The following SF3B3 variants were observed in gnomAD, a reference collection of about 807,000 sequenced individuals.
SF3B3 encodes the protein splicing factor 3b subunit 3.
In SF3B3, 33 loss-of-function variants were observed where a neutral mutation model predicts 139.2. The observed-to-expected ratio is 0.24, with a 90% CI of 0.18 to 0.32. The LOEUF (loss-of-function observed/expected upper bound fraction) is 0.32, where lower values mean the gene tolerates loss of function less well. Among genes scored for constraint, SF3B3 ranks in the 10% least tolerant of loss-of-function variants. The probability of loss-of-function intolerance (pLI) is 1.00; values close to 1 mark genes in which losing one functional copy is unlikely to be tolerated. For synonymous variants in SF3B3, 596 were observed against 563.6 expected, an observed-to-expected ratio of 1.06 and a Z score of -0.81; for missense variants, 818 against 1,509.4, an observed-to-expected ratio of 0.54 and a Z score of 7.59.
rs1388153201 is a variant in SF3B3 at position 70,577,539 on chromosome 16, A to G, written c.*5726A>G. 6.6e-6 allele frequency: 1 copy of G among 152,206 alleles called. No homozygotes were observed. Among genetic ancestry groups the G allele is most frequent in the Non-Finnish European group, 1.5e-5 (1 of 68,060 alleles). The allele number at this position is 152,206 out of a possible 1,614,324, so 9.4% of individuals were successfully genotyped here. On this transcript the variant is annotated 3_prime_UTR_variant, in exon 26 of 26. Transcript: ENST00000302516. Reference sequence around the variant, plus strand: ...TAGCCTGGAACATTCCAGCGTGGGCATTATTGTCCTGTTGCAAGTTCAGGG... The same window carrying G: ...TAGCCTGGAACATTCCAGCGTGGGCGTTATTGTCCTGTTGCAAGTTCAGGG...
chr16:70,544,628 TAA>T, intron 10 of SF3B3, 95 bp downstream of exon 10: 2 of 729,294 alleles, frequency 2.7e-6, no homozygotes, highest in Non-Finnish European at 4.9e-6. Context: ...AAGACATAGT[TAA>T]GGTGTCTGTG....
rs544212716 is a variant in SF3B3 at position 70,532,475 on chromosome 16, G to A, written c.571-4G>A. ...ATTAGTTTTTATGCCACTATTCTCT[G>A]TAGGAAGCAGACAATGATCCAACAG... On this transcript the variant is annotated splice_region_variant and splice_polypyrimidine_tract_variant and intron_variant, in intron 4 of 25. Coordinates refer to ENST00000302516, the MANE Select transcript of SF3B3 (RefSeq NM_012426.5). 4.5e-5 allele frequency: 72 copies of A among 1,613,544 alleles called. 2 individuals carry two copies. In the South Asian group the frequency reaches 5.8e-4, roughly 13 times the overall value.
chr16:70,570,285 T>C, intron 24 of SF3B3, 136 bp downstream of exon 24: 1 of 853,264 alleles, frequency 1.2e-6, no homozygotes, highest in Non-Finnish European at 1.7e-6. Flanking sequence ...CAGAAGTACT[T>C]GGGGAGATAG....
At chr16:70,551,528 C>A (rs962910342) in intron 11 of SF3B3, among the ~76,000 whole-genome samples, 1 of 152,124 alleles carries the variant, frequency 6.6e-6, no homozygotes. Flanking sequence ...TATGGAGAAA[C>A]CCTGTCTCTA....
At chr16:70,568,582 TC>T (rs2050499341) in intron 22 of SF3B3, 87 bp downstream of exon 22, 1 of 1,034,182 alleles carries the variant, frequency 9.7e-7, no homozygotes, top group African/African-American at 1.6e-5. Flanking sequence ...AGGAATCAAA[TC>T]TGAGAAGTAA....
At chr16:70,558,155 CTCTGTATCA>C (rs2050395382) in intron 15 of SF3B3, among the ~76,000 whole-genome samples, 1 of 152,104 alleles carries the variant, frequency 6.6e-6, no homozygotes, top group African/African-American at 2.4e-5. Flanking sequence ...TTCCTGTATC[CTCTGTATCA>C]AGCTGGTGGG....
chr16:70,526,570 G>T lies in SF3B3; in HGVS notation c.-70-17G>T, dbSNP rs2050066788. Reference sequence around the variant, plus strand: ...GTAATAGTCTCCCAGCTATTTTTCTGTTTTCTGTTTTCTTAGCTTTCTTGG... The same window carrying T: ...GTAATAGTCTCCCAGCTATTTTTCTTTTTTCTGTTTTCTTAGCTTTCTTGG... On this transcript the variant is annotated splice_polypyrimidine_tract_variant and intron_variant, in intron 1 of 25. Transcript: ENST00000302516. The T allele has an allele frequency of 1.2e-5, 11 of 894,444 alleles. No homozygotes were observed. The South Asian group carries it at 1.3e-4, about 11-fold the overall frequency. 55.4% of individuals were successfully genotyped at this position (894,444 alleles called of 1,614,324 possible). A position where few individuals can be genotyped will look rare whatever the true frequency, so the allele number is the denominator to read the frequency against.
At chr16:70,556,553 G>A in intron 14 of SF3B3, 4 of 620,996 alleles carry the variant, frequency 6.4e-6, no homozygotes, top group South Asian at 2.0e-5. Flanking sequence ...ATGTTTCTTT[G>A]GCTTAAGCCT....
chr16:70,556,523 T>C (rs770831339), intron 14 of SF3B3, 189 bp downstream of exon 14: 1 of 654,992 alleles, frequency 1.5e-6, no homozygotes, highest in Non-Finnish European at 2.6e-6. Flanking sequence ...GGTTTAAGGA[T>C]ATGATCTGAG....
chr16:70,563,528 C>T (rs755935762), intron 17 of SF3B3, among the ~76,000 whole-genome samples: 49 of 152,070 alleles, frequency 3.2e-4, no homozygotes, highest in Non-Finnish European at 5.0e-4. Context: ...ACTACAAATA[C>T]CATATATGTT....
At chr16:70,565,723 AC>A (rs1447601828) in intron 20 of SF3B3, 199 bp downstream of exon 20, 5 of 570,736 alleles carry the variant, frequency 8.8e-6, no homozygotes, top group Non-Finnish European at 1.6e-5. Flanking sequence ...CTTTGTGCTA[AC>A]CATCCATAAT....
chr16:70,549,324 A>G (rs1227642750), intron 11 of SF3B3, among the ~76,000 whole-genome samples: 1 of 152,210 alleles, frequency 6.6e-6, no homozygotes, highest in Non-Finnish European at 1.5e-5. Context: ...TAGAATACTC[A>G]TTTTTGTGGA....
intron 18 of SF3B3, 136 bp downstream of exon 18, chr16:70,564,186 CAT>C (rs1320605863): frequency 1.3e-6 from 1 of 787,372 alleles, no homozygotes; most frequent in Non-Finnish European, 2.0e-6. Flanking sequence ...GCCTGGGCAA[CAT>C]AGCAAAACTG....
chr16:70,560,308 T>C (rs2050417166), intron 15 of SF3B3, 161 bp from the exon 16 acceptor site: 1 of 611,888 alleles, frequency 1.6e-6, no homozygotes. Context: ...ACTGAGAGAA[T>C]GAAATGAATG....
chr16:70,571,201 T>C lies in SF3B3; in HGVS notation c.3513+2T>C, dbSNP rs2050525742. ...CGCTCCTACTACTTCCCTGTGAAGG[T>C]AGGTTGGGGGAATCTGAGCTGAAAA... On this transcript the variant is annotated splice_donor_variant, in intron 25 of 25. Transcript: ENST00000302516. LOFTEE classifies it high-confidence loss of function. The C allele has an allele frequency of 4.4e-6, 7 of 1,596,596 alleles. No homozygotes were observed. Among genetic ancestry groups the C allele is most frequent in the Non-Finnish European group, 6.0e-6 (7 of 1,164,118 alleles).
chr16:70,542,590 G>A (rs1236799489), intron 9 of SF3B3, among the ~76,000 whole-genome samples: 3 of 152,086 alleles, frequency 2.0e-5, no homozygotes, highest in Non-Finnish European at 4.4e-5. Flanking sequence ...TGGGTACTGG[G>A]GAAACAAGTC....
chr16:70,573,878 C>T lies in SF3B3; in HGVS notation c.*2065C>T, dbSNP rs1186383358. ...TTAGCTGCCTCAGCTTTCCCCTGAC[C>T]TTACTGGCAGAGGTTCTGCAGATGT... On this transcript the variant is annotated 3_prime_UTR_variant, in exon 26 of 26. Transcript: ENST00000302516. 6.6e-6 allele frequency: 1 copy of T among 152,348 alleles called. No homozygotes were observed. Among genetic ancestry groups the T allele is most frequent in the South Asian group, 2.1e-4 (1 of 4,832 alleles). 9.4% of individuals were successfully genotyped at this position (152,348 alleles called of 1,614,324 possible). A position where few individuals can be genotyped will look rare whatever the true frequency, so the allele number is the denominator to read the frequency against.
At chr16:70,526,886 T>A in intron 2 of SF3B3, 160 bp downstream of exon 2, 1 of 609,940 alleles carries the variant, frequency 1.6e-6, no homozygotes, top group South Asian at 2.0e-5. Flanking sequence ...TGGTGCATTA[T>A]CTGTTACCTA....
At chr16:70,565,760 GTC>G (rs1567424737) in intron 20 of SF3B3, 1 of 475,398 alleles carries the variant, frequency 2.1e-6, no homozygotes, top group East Asian at 3.4e-5. Flanking sequence ...CATTCAATTG[GTC>G]TCTTTCTTAC....
Sources: gnomAD v4.1 joint callset for allele counts (sites outside exome capture counted in the v4.1 genomes callset) on GRCh38, gnomAD v4.1.1 for gene constraint, MANE v1.5 for transcripts, NCBI Gene and HGNC (gene_info 2026-07-23, HGNC 2026-07-21) for gene names.